Variants in NELL1 observed in about 807,000 individuals in gnomAD.
NELL1 encodes neural EGFL like 1.
Under a neutral mutation model 107.4 loss-of-function variants are expected in NELL1, and 76 were observed. The ratio of observed to expected loss-of-function variants is 0.71; its 90% CI spans 0.59 to 0.86. The LOEUF (loss-of-function observed/expected upper bound fraction) is 0.86. Ranked by LOEUF, NELL1 falls within the 40% of genes least tolerant of loss-of-function variation. The pLI, the probability that NELL1 is intolerant of heterozygous loss-of-function variation, is 0.00. For missense variants in NELL1, 1,024 were observed against 1,005.5 expected (o/e 1.02, Z -0.25); for synonymous variants, 353 against 341.2 (o/e 1.03, Z -0.38).
At chr11:20,857,930 A>G (rs758490822) in intron 4 of NELL1, among the ~76,000 whole-genome samples, 3 of 152,230 alleles carry the variant, frequency 2.0e-5, no homozygotes, top group Non-Finnish European at 4.4e-5. Flanking sequence ...GCCAAGCTCC[A>G]GTATTCCTTG....
At chr11:20,764,897 C>T (rs138246882) in intron 2 of NELL1, among the ~76,000 whole-genome samples, 214 of 152,246 alleles carry the variant, frequency 1.4e-3, no homozygotes, top group African/African-American at 4.7e-3. Flanking sequence ...AAGGATGACT[C>T]ATGCCTGTAA....
At chr11:20,700,309 T>G (rs776288739) in intron 2 of NELL1, among the ~76,000 whole-genome samples, 41 of 152,000 alleles carry the variant, frequency 2.7e-4, no homozygotes, top group Non-Finnish European at 4.7e-4. Flanking sequence ...TGAAACCCCG[T>G]CTCTACTAAA....
chr11:20,882,064 G>A (rs1849418888), intron 4 of NELL1, among the ~76,000 whole-genome samples: 1 of 152,218 alleles, frequency 6.6e-6, no homozygotes, highest in Non-Finnish European at 1.5e-5. Flanking sequence ...AGATCACTGT[G>A]CCCTACCTGC....
At chr11:20,960,297 C>T in intron 11 of NELL1, 135 bp from the exon 12 acceptor site, 1 of 882,200 alleles carries the variant, frequency 1.1e-6, no homozygotes, top group South Asian at 1.8e-5. Flanking sequence ...ACTTTCCTAT[C>T]CAGTTTATCC....
At chr11:21,348,182 G>A (rs1453598857) in intron 14 of NELL1, among the ~76,000 whole-genome samples, 1 of 152,140 alleles carries the variant, frequency 6.6e-6, no homozygotes, top group Non-Finnish European at 1.5e-5. Flanking sequence ...AGGAGGTAGA[G>A]GCATGCTCAG....
In NELL1 at chr11:20,785,207, T is replaced by C. The variant is rs188697428; in HGVS notation, c.335+1377T>C. Reference sequence around the variant, plus strand: ...CAGAGGCTCTTTCTATGCAGACTTTTGGTAGTTGTAAGGATCAACAGTTTT... The same window carrying C: ...CAGAGGCTCTTTCTATGCAGACTTTCGGTAGTTGTAAGGATCAACAGTTTT... On this transcript the variant is annotated intron_variant, in intron 3 of 19. Coordinates refer to ENST00000357134, the MANE Select transcript of NELL1 (RefSeq NM_006157.5). Among the ~76,000 whole-genome samples the C allele has an allele frequency of 6.6e-5, 10 of 152,356 alleles. No homozygotes were observed. The East Asian group carries it at 1.9e-3, about 29-fold the overall frequency.
chr11:21,224,306 GA>G (rs1452964687), intron 13 of NELL1, among the ~76,000 whole-genome samples: 1 of 151,958 alleles, frequency 6.6e-6, no homozygotes, highest in Non-Finnish European at 1.5e-5. Context: ...GCAGTGGCAT[GA>G]ACATGGTTCC....
At position 20,834,576 on chromosome 11, in the gene NELL1, A is replaced by G. The variant is rs559465735; in HGVS notation, c.336-13007A>G. Among the ~76,000 whole-genome samples the G allele has an allele frequency of 2.4e-3, 362 of 151,964 alleles. 1 individual carries two copies. Among genetic ancestry groups the G allele is most frequent in the African/African-American group, 8.5e-3 (352 of 41,476 alleles). On this transcript the variant is annotated intron_variant, in intron 3 of 19. Coordinates refer to ENST00000357134, the MANE Select transcript of NELL1 (RefSeq NM_006157.5). ...AAATTAGCTGGGTGTGGTGGCGGGC[A>G]CCTGTAGTCCCAGCTACTAGGGAGG... is the stretch of plus-strand genomic sequence containing the variant.
Position 20,855,488 on chromosome 11 carries a change from A to G in NELL1, c.506+7735A>G, listed in dbSNP as rs111350341. On this transcript the variant is annotated intron_variant, in intron 4 of 19. Coordinates refer to ENST00000357134, the MANE Select transcript of NELL1 (RefSeq NM_006157.5). ...AGAATAGAGAGGAAAATAAGACTTC[A>G]TTTCCAACTCATAGTGATTTCATCT... 4.7e-4 allele frequency among the ~76,000 whole-genome samples: 72 copies of G among 152,294 alleles called. 1 individual carries two copies. The highest frequency in any genetic ancestry group is 1.7e-3 in the African/African-American group (69 of 41,574).
At chr11:21,220,596 G>A (rs540607542) in intron 13 of NELL1, among the ~76,000 whole-genome samples, 3 of 151,918 alleles carry the variant, frequency 2.0e-5, no homozygotes, top group African/African-American at 7.2e-5. Context: ...CACCTCCTTG[G>A]TTAAATTTAT....
At chr11:21,116,646 T>A (rs980760476) in intron 13 of NELL1, among the ~76,000 whole-genome samples, 1 of 151,980 alleles carries the variant, frequency 6.6e-6, no homozygotes, top group Non-Finnish European at 1.5e-5. Flanking sequence ...AATGTAGAGA[T>A]AACTCCTTCC....
intron 9 of NELL1, among the ~76,000 whole-genome samples, chr11:20,936,966 G>GTCC (rs1325485854): frequency 5.3e-5 from 8 of 152,156 alleles, no homozygotes; most frequent in Non-Finnish European, 1.2e-4. Context: ...GGCTAGAAGG[G>GTCC]TCCTCATCAG....
At chr11:20,687,046 T>TC (rs1312210370) in intron 2 of NELL1, among the ~76,000 whole-genome samples, 8 of 95,706 alleles carry the variant, frequency 8.4e-5, no homozygotes, top group South Asian at 2.8e-4. Context: ...TCTCTCTCTC[T>TC]TTTTTTTTTT....
chr11:20,779,435 A>G (rs1440583978), intron 2 of NELL1, among the ~76,000 whole-genome samples: 1 of 152,194 alleles, frequency 6.6e-6, no homozygotes, highest in Admixed American at 6.5e-5. Context: ...AGCACTTCTT[A>G]TGGGCTTTAT....
At chr11:20,981,226 G>T (rs1564998403) in intron 12 of NELL1, among the ~76,000 whole-genome samples, 1 of 152,046 alleles carries the variant, frequency 6.6e-6, no homozygotes, top group African/African-American at 2.4e-5. Context: ...AGAAGGAAAG[G>T]CATATGTATT....
chr11:20,932,246 A>T (rs140372583), intron 9 of NELL1, among the ~76,000 whole-genome samples: 171 of 152,242 alleles, frequency 1.1e-3, no homozygotes, highest in African/African-American at 4.0e-3. Flanking sequence ...CCAGGCATCA[A>T]CATCCTGAAA....
At chr11:20,846,190 C>T (rs1219909115) in intron 3 of NELL1, among the ~76,000 whole-genome samples, 2 of 152,146 alleles carry the variant, frequency 1.3e-5, no homozygotes, top group Admixed American at 6.5e-5. Context: ...ATTCTTTGTA[C>T]TGGTGCAAAT....
At chr11:21,509,116 A>G (rs1019019261) in intron 15 of NELL1, among the ~76,000 whole-genome samples, 7 of 152,208 alleles carry the variant, frequency 4.6e-5, no homozygotes, top group African/African-American at 1.7e-4. Flanking sequence ...CAATAAATAT[A>G]TAGAAAGATG....
At chr11:20,982,354 A>T (rs945307762) in intron 12 of NELL1, among the ~76,000 whole-genome samples, 4 of 152,114 alleles carry the variant, frequency 2.6e-5, no homozygotes, top group African/African-American at 9.7e-5. Flanking sequence ...GCTATCTTTT[A>T]CTCTGACGTC....
Sources: allele counts gnomAD v4.1 joint callset (sites outside exome capture counted in the v4.1 genomes callset), GRCh38; gene constraint gnomAD v4.1.1; transcripts MANE v1.5; gene names NCBI Gene and HGNC (gene_info 2026-07-23, HGNC 2026-07-21).